Variants in SPOCK1 observed in about 807,000 individuals in gnomAD.
The protein encoded by SPOCK1 is testican-1.
In SPOCK1, 23 loss-of-function variants were observed where a neutral mutation model predicts 55.3. That is an observed-to-expected ratio of 0.42 (90% CI 0.30 to 0.59). The LOEUF (loss-of-function observed/expected upper bound fraction) is 0.59, where lower values mean the gene tolerates loss of function less well. SPOCK1 is among the 20% of genes least tolerant of loss of function. The pLI is 0.22. For synonymous variants in SPOCK1, 226 were observed against 221.0 expected (o/e 1.02, Z -0.20); for missense variants, 499 against 552.5 (o/e 0.90, Z 0.97).
At chr5:137,277,067 T>G (rs1246154595) in intron 2 of SPOCK1, among the ~76,000 whole-genome samples, 2 of 152,184 alleles carry the variant, frequency 1.3e-5, no homozygotes, top group East Asian at 3.9e-4. Flanking sequence ...CAGGCTGAAG[T>G]GCAGTGGCAC....
intron 2 of SPOCK1, among the ~76,000 whole-genome samples, chr5:137,294,373 T>C (rs571001132): frequency 5.9e-5 from 9 of 152,282 alleles, no homozygotes; most frequent in Middle Eastern, 3.4e-3. Flanking sequence ...CTGTATTAGT[T>C]ACGTTTTATA....
chr5:137,237,426 T>G (rs1756201759), intron 3 of SPOCK1, among the ~76,000 whole-genome samples: 1 of 152,320 alleles, frequency 6.6e-6, no homozygotes, highest in Admixed American at 6.5e-5. Flanking sequence ...ATCTATGAAC[T>G]GCTTTCACTC....
At chr5:137,284,037 A>G (rs1285712714) in intron 2 of SPOCK1, among the ~76,000 whole-genome samples, 1 of 152,226 alleles carries the variant, frequency 6.6e-6, no homozygotes, top group Non-Finnish European at 1.5e-5. Flanking sequence ...TCTGTGCTTT[A>G]TGTAGATTAT....
At chr5:137,178,609 G>A (rs1286319810) in intron 3 of SPOCK1, among the ~76,000 whole-genome samples, 2 of 152,224 alleles carry the variant, frequency 1.3e-5, no homozygotes, top group Non-Finnish European at 2.9e-5. Context: ...AGAGTCTGCG[G>A]GGGAAGAAGG....
intron 2 of SPOCK1, among the ~76,000 whole-genome samples, chr5:137,356,832 T>TAGAGAGAGAGAGAGAG (rs1264084655): frequency 4.9e-4 from 5 of 10,184 alleles, no homozygotes; most frequent in Admixed American, 1.0e-3. Context: ...TATATATATA[T>TAGAGAGAGAGAGAGAG]ATATATAGAG....
chr5:137,409,601 G>A, intron 2 of SPOCK1, among the ~76,000 whole-genome samples: 1 of 152,224 alleles, frequency 6.6e-6, no homozygotes, highest in East Asian at 1.9e-4. Context: ...AGCCTTAGCA[G>A]CATTTTAACA....
intron 6 of SPOCK1, among the ~76,000 whole-genome samples, chr5:137,007,243 T>C (rs1246085260): frequency 6.6e-6 from 1 of 152,034 alleles, no homozygotes; most frequent in Non-Finnish European, 1.5e-5. Context: ...AAAGACTTCA[T>C]GACTAAAACA....
At chr5:137,202,678 C>A (rs979336451) in intron 3 of SPOCK1, among the ~76,000 whole-genome samples, 2 of 152,196 alleles carry the variant, frequency 1.3e-5, no homozygotes, top group African/African-American at 2.4e-5. Flanking sequence ...GCTGAAACAG[C>A]TCCTTCACTT....
rs1400800117 is a variant in SPOCK1 at position 136,977,826 on chromosome 5, G to GTT, written c.*826_*827dup. 1.8e-5 allele frequency: 7 copies of GTT among 398,794 alleles called. No individual in the cohort carries two copies. Among genetic ancestry groups the GTT allele is most frequent in the African/African-American group, 4.1e-5 (2 of 48,624 alleles). The allele number at this position is 398,794 out of a possible 1,614,324, so 24.7% of individuals were successfully genotyped here. On this transcript the variant is annotated 3_prime_UTR_variant, in exon 11 of 11. Coordinates refer to ENST00000394945, the MANE Select transcript of SPOCK1 (RefSeq NM_004598.4). Reference sequence around the variant, plus strand: ...AGCCTGCAGGCTACAAGAGCCAACTGTTAGTGCAAAAAAGGACTTTAATAC... The same window carrying GTT: ...AGCCTGCAGGCTACAAGAGCCAACTGTTTTAGTGCAAAAAAGGACTTTAATAC...
intron 4 of SPOCK1, among the ~76,000 whole-genome samples, chr5:137,139,636 C>T (rs1204402709): frequency 6.6e-6 from 1 of 151,982 alleles, no homozygotes; most frequent in Non-Finnish European, 1.5e-5. Flanking sequence ...GGTCATGGTA[C>T]AGTGCCGGTG....
Position 137,465,472 on chromosome 5 carries a change from G to A in SPOCK1, c.186+32901C>T, listed in dbSNP as rs940272649. ...TATAATTTCTAAAAATTGTAAACTC[G>A]TCTTTTACTGAGAGCCTCAACTTGA... On this transcript the variant is annotated intron_variant, in intron 2 of 10. Transcript: ENST00000394945. 3.3e-5 allele frequency among the ~76,000 whole-genome samples: 5 copies of A among 151,800 alleles called. No homozygotes were observed. The East Asian group carries it at 7.7e-4, about 23-fold the overall frequency.
At chr5:137,285,917 T>A (rs1368516954) in intron 2 of SPOCK1, among the ~76,000 whole-genome samples, 1 of 152,162 alleles carries the variant, frequency 6.6e-6, no homozygotes, top group Non-Finnish European at 1.5e-5. Context: ...GTAAATAGTT[T>A]AGGTTTTGTA....
chr5:137,452,582 T>G (rs748140157), intron 2 of SPOCK1, among the ~76,000 whole-genome samples: 1 of 152,230 alleles, frequency 6.6e-6, no homozygotes, highest in African/African-American at 2.4e-5. Flanking sequence ...AAAATTGAGA[T>G]TGTAATGTGC....
chr5:137,404,951 T>A (rs1421288979), intron 2 of SPOCK1, among the ~76,000 whole-genome samples: 1 of 152,234 alleles, frequency 6.6e-6, no homozygotes, highest in Non-Finnish European at 1.5e-5. Flanking sequence ...CATTCAAATC[T>A]GGCTGCCAAT....
At chr5:137,346,390 C>T (rs1750555385) in intron 2 of SPOCK1, among the ~76,000 whole-genome samples, 1 of 152,166 alleles carries the variant, frequency 6.6e-6, no homozygotes, top group Admixed American at 6.5e-5. Context: ...ATTTATTTGA[C>T]TCAACTCTGC....
rs561146794 is a variant in SPOCK1, at chr5:137,013,219, G to GGTTTTGTTTT, written c.590-20629_590-20620dup. Among the ~76,000 whole-genome samples the GGTTTTGTTTT allele has an allele frequency of 4.0e-3, 572 of 142,886 alleles. 4 individuals carry two copies. The highest frequency in any genetic ancestry group is 0.015 in the African/African-American group (553 of 35,772). 93.7% of individuals were successfully genotyped at this position (142,886 alleles called of 152,430 possible). A position where few individuals can be genotyped will look rare whatever the true frequency, so the allele number is the denominator to read the frequency against. On this transcript the variant is annotated intron_variant, in intron 6 of 10. Transcript: ENST00000394945. ...TCCATCATTTTGTGATTTCTTTTTA[G>GGTTTTGTTTT]GTTTTGTTTTGTTTTGTTTTGTTTT...
intron 2 of SPOCK1, among the ~76,000 whole-genome samples, chr5:137,286,172 C>T (rs1757262388): frequency 6.6e-6 from 1 of 152,148 alleles, no homozygotes; most frequent in Admixed American, 6.5e-5. Flanking sequence ...ACACACTTGG[C>T]TAAGTGTCAA....
At chr5:137,419,089 T>C (rs1752422511) in intron 2 of SPOCK1, among the ~76,000 whole-genome samples, 1 of 152,234 alleles carries the variant, frequency 6.6e-6, no homozygotes, top group African/African-American at 2.4e-5. Context: ...TTTGTCAAGT[T>C]TGTCAAAGAT....
At chr5:137,100,500 A>T (rs1753241833) in intron 5 of SPOCK1, among the ~76,000 whole-genome samples, 1 of 152,212 alleles carries the variant, frequency 6.6e-6, no homozygotes, top group Admixed American at 6.5e-5. Flanking sequence ...CCTCACTGAT[A>T]CATATCATCT....
Sources: gnomAD v4.1 joint callset for allele counts (sites outside exome capture counted in the v4.1 genomes callset) on GRCh38, gnomAD v4.1.1 for gene constraint, MANE v1.5 for transcripts, NCBI Gene and HGNC (gene_info 2026-07-23, HGNC 2026-07-21) for gene names.